The following LY75 variants were observed in gnomAD, a reference collection of about 807,000 sequenced individuals.
LY75 encodes lymphocyte antigen 75.
In LY75, 185 loss-of-function variants were observed where a neutral mutation model predicts 231.7. The observed-to-expected ratio is 0.80, with a 90% CI of 0.71 to 0.90. The LOEUF (loss-of-function observed/expected upper bound fraction) is 0.90, where lower values mean the gene tolerates loss of function less well. LY75 is among the 40% of genes least tolerant of loss of function. LY75 has a pLI of 0.00. For missense variants in LY75, 1,947 were observed against 2,050.2 expected (o/e 0.95, Z 0.97); for synonymous variants, 668 against 689.0 (o/e 0.97, Z 0.48).
rs540005622 is a variant in LY75, at chr2:159,829,920, G to T, written c.3958+1750C>A. On this transcript the variant is annotated intron_variant, in intron 28 of 34. Coordinates refer to ENST00000263636, the MANE Select transcript of LY75 (RefSeq NM_002349.4). ...AATATAACTACAAAGTATACCAAAGGGTACAATTTCAATCTCTCTGTCCTG... is the reference window on the plus strand; with the variant it reads ...AATATAACTACAAAGTATACCAAAGTGTACAATTTCAATCTCTCTGTCCTG... Among the ~76,000 whole-genome samples the T allele has an allele frequency of 2.0e-5, 3 of 152,208 alleles. No individual in the cohort carries two copies. In the South Asian group the frequency reaches 6.2e-4, roughly 32 times the overall value.
At position 159,840,870 on chromosome 2, in the gene LY75, C is replaced by CA; in HGVS notation, c.3365dup (p.Thr1123AspfsTer6). On this transcript the variant is annotated frameshift_variant, in exon 25 of 35. Transcript: ENST00000263636. LOFTEE classifies it high-confidence loss of function. ...ACTCCCTTTTAGCACTGTGCCAAGTCAGAGTCTTTGGGATTATTTTGTACA... is the reference window on the plus strand; with the variant it reads ...ACTCCCTTTTAGCACTGTGCCAAGTCAAGAGTCTTTGGGATTATTTTGTACA... 1 of 1,614,056 alleles carries CA rather than the reference C, an allele frequency of 6.2e-7. No homozygotes were observed. The highest frequency in any genetic ancestry group is 8.5e-7 in the Non-Finnish European group (1 of 1,179,966).
chr2:159,836,169 G>T (rs1456737738), intron 25 of LY75, among the ~76,000 whole-genome samples: 2 of 152,078 alleles, frequency 1.3e-5, no homozygotes, highest in African/African-American at 4.8e-5. Flanking sequence ...TAGCTTTCAT[G>T]TGCCATCTCT....
intron 34 of LY75, among the ~76,000 whole-genome samples, chr2:159,806,509 A>G (rs1056489710): frequency 6.6e-6 from 1 of 152,216 alleles, no homozygotes; most frequent in African/African-American, 2.4e-5. Flanking sequence ...ATGAAATGTA[A>G]GTTCAAATTA....
At position 159,888,481 on chromosome 2, in the gene LY75, G is replaced by A. The variant is rs561888819; in HGVS notation, c.802+1732C>T. Among the ~76,000 whole-genome samples the A allele has an allele frequency of 1.2e-4, 19 of 152,252 alleles. No individual in the cohort carries two copies. In the South Asian group the frequency reaches 3.9e-3, roughly 32 times the overall value. On this transcript the variant is annotated intron_variant, in intron 4 of 34. Coordinates refer to ENST00000263636, the MANE Select transcript of LY75 (RefSeq NM_002349.4). ...TGCTGTTGGGTATATTATTTCTAAGGATCAATTTCCTTATCTAGTGATAAA... is the reference window on the plus strand; with the variant it reads ...TGCTGTTGGGTATATTATTTCTAAGAATCAATTTCCTTATCTAGTGATAAA...
chr2:159,834,244 T>C (rs775137996), intron 26 of LY75, 33 bp from the exon 27 acceptor site: 1 of 1,610,218 alleles, frequency 6.2e-7, no homozygotes, highest in Non-Finnish European at 8.5e-7. Flanking sequence ...GAATTCTAAT[T>C]TGAGATATAA....
rs1203546345 is a variant in LY75, at chr2:159,804,085, T to C, written c.*959A>G. On this transcript the variant is annotated 3_prime_UTR_variant, in exon 35 of 35. Transcript: ENST00000263636. ...CCACACTTGGGAAAATGTTAAGCAC[T>C]AAATCTTTAAAAGTCATTGTTTTAT... 6 of 152,172 alleles carry C rather than the reference T, an allele frequency of 3.9e-5. No homozygotes were observed. Among genetic ancestry groups the C allele is most frequent in the Admixed American group, 3.9e-4 (6 of 15,272 alleles). 9.4% of individuals were successfully genotyped at this position (152,172 alleles called of 1,614,324 possible). A position where few individuals can be genotyped will look rare whatever the true frequency, so the allele number is the denominator to read the frequency against.
In LY75 at chr2:159,875,502, G is replaced by A; in HGVS notation, c.1916C>T (p.Pro639Leu). 1 of 1,614,092 alleles carries A rather than the reference G, an allele frequency of 6.2e-7. No individual in the cohort carries two copies. Among genetic ancestry groups the A allele is most frequent in the Non-Finnish European group, 8.5e-7 (1 of 1,180,006 alleles). ...PLGPEEASPK[P>L]DDPCPEGWQS... is the part of the protein sequence containing the mutation. ...CCAGCCTTCAGGACAGGGGTCATCA[G>A]GCTTAGGGGATGCTTCTTCAGGCCC... The change falls in exon 12 of 35, where the codon CCT becomes CTT. Residue 639 changes from proline to leucine, a missense_variant. Physicochemically the swap from Pro to Leu is moderately conservative, Grantham distance 98. Transcript: ENST00000263636.
chr2:159,833,979 T>C, intron 27 of LY75, 65 bp downstream of exon 27: 1 of 1,534,656 alleles, frequency 6.5e-7, no homozygotes, highest in South Asian at 1.3e-5. Flanking sequence ...TCTTTTTCTT[T>C]ATAAATTACC....
chr2:159,836,626 C>T (rs181839392), intron 25 of LY75, among the ~76,000 whole-genome samples: 1 of 152,130 alleles, frequency 6.6e-6, no homozygotes, highest in Non-Finnish European at 1.5e-5. Context: ...AAATATGGAA[C>T]GAAGCGACAC....
At chr2:159,867,523 G>A (rs553440224) in intron 13 of LY75, among the ~76,000 whole-genome samples, 1 of 152,178 alleles carries the variant, frequency 6.6e-6, no homozygotes, top group East Asian at 1.9e-4. Context: ...CTAAGTATAT[G>A]GTTTTAAAAC....
intron 16 of LY75, among the ~76,000 whole-genome samples, chr2:159,855,523 G>T (rs547039841): frequency 6.6e-6 from 1 of 152,190 alleles, no homozygotes; most frequent in Admixed American, 6.5e-5. Context: ...AGATGGAAAC[G>T]GAGTAAATAA....
intron 27 of LY75, 73 bp downstream of exon 27, chr2:159,833,970 CT>C (rs2125842732): frequency 6.6e-7 from 1 of 1,514,808 alleles, no homozygotes; most frequent in South Asian, 1.3e-5. Flanking sequence ...CATTAAACCT[CT>C]TTTTCTTTAT....
At chr2:159,865,710 G>A (rs797002783) in intron 13 of LY75, among the ~76,000 whole-genome samples, 14 of 152,242 alleles carry the variant, frequency 9.2e-5, no homozygotes, top group African/African-American at 2.6e-4. Context: ...TTGTGAGGTT[G>A]GTAGGACAAA....
intron 2 of LY75, among the ~76,000 whole-genome samples, 193 bp from the exon 3 acceptor site, chr2:159,894,277 GGCTA>G (rs2125884330): frequency 6.6e-6 from 1 of 152,340 alleles, no homozygotes; most frequent in South Asian, 2.1e-4. Flanking sequence ...TTTGCCTGTG[GGCTA>G]GCTATCCAAC....
chr2:159,878,044 T>C (rs1685325904), intron 11 of LY75, among the ~76,000 whole-genome samples: 1 of 152,188 alleles, frequency 6.6e-6, no homozygotes, highest in African/African-American at 2.4e-5. Context: ...GAGATTTACA[T>C]GGAAAAGATT....
intron 34 of LY75, among the ~76,000 whole-genome samples, chr2:159,805,753 T>C (rs1682772947): frequency 1.3e-5 from 2 of 152,234 alleles, no homozygotes; most frequent in African/African-American, 2.4e-5. Flanking sequence ...ATACCATTGC[T>C]ATGCACACTA....
rs115255933 is a variant in LY75, at chr2:159,881,111, G to A, written c.1376C>T (p.Thr459Met). ...TCCTAAGTAGGAAACACAGTTGGGC[G>A]TCTTATTGTAGGGAACATTTGGCTC... ...ENEPNVPYNKTPNCVSYLGEL... is the reference protein window; with the variant it reads ...ENEPNVPYNKMPNCVSYLGEL... Residue 459 changes from threonine (T) to methionine (M), a missense_variant, in exon 8 of 35, where the codon ACG becomes ATG. Physicochemically the swap from Thr to Met is moderately conservative, Grantham distance 81. Transcript: ENST00000263636. The A allele has an allele frequency of 4.0e-3, 6,508 of 1,613,770 alleles. 10 individuals carry two copies. The highest frequency in any genetic ancestry group is 5.1e-3 in the Non-Finnish European group (6,057 of 1,179,820).
intron 30 of LY75, 79 bp from the exon 31 acceptor site, chr2:159,815,652 TA>T (rs1305445868): frequency 1.4e-6 from 2 of 1,472,272 alleles, no homozygotes; most frequent in Admixed American, 4.5e-5. Context: ...ATACATACTT[TA>T]AGAAATATTA....
chr2:159,888,566 T>C (rs1318326954), intron 4 of LY75, among the ~76,000 whole-genome samples: 1 of 152,214 alleles, frequency 6.6e-6, no homozygotes, highest in African/African-American at 2.4e-5. Context: ...AAGTAGGGCT[T>C]GCTTACAGTA....
Sources: gnomAD v4.1 joint callset for allele counts (sites outside exome capture counted in the v4.1 genomes callset) on GRCh38, gnomAD v4.1.1 for gene constraint, MANE v1.5 for transcripts, NCBI Gene and HGNC (gene_info 2026-07-23, HGNC 2026-07-21) for gene names.